Variants in XRN1 observed in about 807,000 individuals in gnomAD.
XRN1 encodes strand-exchange protein 1 homolog.
XRN1 carries 67 observed loss-of-function variants against 222.3 expected under a neutral mutation model. The ratio of observed to expected loss-of-function variants is 0.30; its 90% CI spans 0.25 to 0.37. The LOEUF (loss-of-function observed/expected upper bound fraction) is 0.37. Ranked by LOEUF, XRN1 falls within the 10% of genes least tolerant of loss-of-function variation. The pLI, the probability that XRN1 is intolerant of heterozygous loss-of-function variation, is 1.00. For missense variants in XRN1, 1,707 were observed against 2,000.2 expected (o/e 0.85, Z 2.80); for synonymous variants, 643 against 652.4 (o/e 0.99, Z 0.22).
intron 23 of XRN1, among the ~76,000 whole-genome samples, chr3:142,378,697 T>C (rs1000015755): frequency 2.0e-5 from 3 of 151,482 alleles, no homozygotes; most frequent in African/African-American, 7.3e-5. Flanking sequence ...AGGAAAAAAA[T>C]AGTGAGGAGA....
intron 1 of XRN1, among the ~76,000 whole-genome samples, chr3:142,440,006 G>A (rs1400952547): frequency 1.3e-5 from 2 of 151,954 alleles, no homozygotes; most frequent in Non-Finnish European, 2.9e-5. Flanking sequence ...CTCAGGAGAC[G>A]AAGGTCCTGC....
intron 20 of XRN1, among the ~76,000 whole-genome samples, chr3:142,386,948 G>C (rs192475066): frequency 6.6e-6 from 1 of 152,074 alleles, no homozygotes; most frequent in Non-Finnish European, 1.5e-5. Flanking sequence ...CTGAATGTAG[G>C]CATATGCTAT....
At chr3:142,397,102 A>AT (rs150192903) in intron 20 of XRN1, among the ~76,000 whole-genome samples, 1 of 151,862 alleles carries the variant, frequency 6.6e-6, no homozygotes, top group African/African-American at 2.4e-5. Flanking sequence ...TTAATTTGTC[A>AT]TTTTTTTTCT....
chr3:142,398,371 T>G (rs1355396876), intron 19 of XRN1, among the ~76,000 whole-genome samples: 1 of 151,950 alleles, frequency 6.6e-6, no homozygotes, highest in Non-Finnish European at 1.5e-5. Context: ...TACAAAGTTT[T>G]TTTTTTTTTT....
At chr3:142,330,350 G>T (rs780657655) in intron 36 of XRN1, among the ~76,000 whole-genome samples, 6 of 151,734 alleles carry the variant, frequency 4.0e-5, no homozygotes, top group Admixed American at 1.3e-4. Context: ...AGTTTTTTTT[G>T]AAATTGTCTT....
At chr3:142,371,084 C>T (rs2066976167) in intron 26 of XRN1, among the ~76,000 whole-genome samples, 155 bp downstream of exon 26, 1 of 147,478 alleles carries the variant, frequency 6.8e-6, no homozygotes, top group East Asian at 2.0e-4. Flanking sequence ...TAAAGTGAGC[C>T]ACATTTGAGC....
intron 33 of XRN1, among the ~76,000 whole-genome samples, chr3:142,336,246 G>A (rs1261630461): frequency 6.6e-6 from 1 of 152,098 alleles, no homozygotes; most frequent in Non-Finnish European, 1.5e-5. Context: ...TGAGGGGCAT[G>A]AGGTAGATAT....
Position 142,332,948 on chromosome 3 carries a change from G to C in XRN1, c.4062+19C>G, listed in dbSNP as rs1444744406. 6 of 1,611,456 alleles carry C rather than the reference G, an allele frequency of 3.7e-6. No individual in the cohort carries two copies. Among genetic ancestry groups the C allele is most frequent in the Middle Eastern group, 1.7e-4 (1 of 6,058 alleles). On this transcript the variant is annotated intron_variant, in intron 35 of 40. Transcript: ENST00000392981. ...GTCGAGAAATTACCACAGTAAGAAA[G>C]TTCCTACAAAATACGAACCATGGCA... is the stretch of plus-strand genomic sequence containing the variant.
chr3:142,359,279 T>C (rs535423578), intron 30 of XRN1, among the ~76,000 whole-genome samples: 3 of 152,140 alleles, frequency 2.0e-5, no homozygotes, highest in Non-Finnish European at 4.4e-5. Flanking sequence ...ACTTCCCAAG[T>C]GTTGCCTCAA....
Position 142,447,995 on chromosome 3 carries a change from C to T in XRN1, c.-51G>A, listed in dbSNP as rs1361733252. Reference sequence around the variant, plus strand: ...CAGGGCCAAACCGAAACCAAACGCCCCGCCGGGGCTCCGCCGCAGCCTCCG... The same window carrying T: ...CAGGGCCAAACCGAAACCAAACGCCTCGCCGGGGCTCCGCCGCAGCCTCCG... On this transcript the variant is annotated 5_prime_UTR_variant, in exon 1 of 41. Coordinates refer to ENST00000392981, the MANE Select transcript of XRN1 (RefSeq NM_001282857.2). This position sits in a 1 kb window ranked among gnomAD's most constrained non-coding sequence, Gnocchi z 4.2. The T allele has an allele frequency of 8.2e-6, 13 of 1,590,776 alleles. No individual in the cohort carries two copies. Among genetic ancestry groups the T allele is most frequent in the Non-Finnish European group, 1.0e-5 (12 of 1,162,708 alleles).
At chr3:142,426,999 T>C (rs2069283887) in intron 2 of XRN1, among the ~76,000 whole-genome samples, 158 bp from the exon 3 acceptor site, 1 of 152,182 alleles carries the variant, frequency 6.6e-6, no homozygotes, top group African/African-American at 2.4e-5. Context: ...TTGATAAAAA[T>C]GAGCCCCAGA....
chr3:142,324,010 T>C (rs1488147558), intron 37 of XRN1, among the ~76,000 whole-genome samples: 1 of 152,018 alleles, frequency 6.6e-6, no homozygotes, highest in Non-Finnish European at 1.5e-5. Flanking sequence ...GTATTTATCA[T>C]TTTTGCTGTG....
In XRN1 at chr3:142,326,318, A is replaced by G. The variant is rs577331222; in HGVS notation, c.4404+3116T>C. Among the ~76,000 whole-genome samples the G allele has an allele frequency of 7.2e-5, 11 of 152,128 alleles. 1 individual carries two copies. The South Asian group carries it at 2.3e-3, about 31-fold the overall frequency. On this transcript the variant is annotated intron_variant, in intron 37 of 40. Transcript: ENST00000392981. ...TTTCCATTTCTTTGTGTCTTCTTCA[A>G]TTTCTTGCATCATTGTTTTATAATA...
chr3:142,332,242 A>G (rs2065719370), intron 36 of XRN1, 133 bp downstream of exon 36: 2 of 776,584 alleles, frequency 2.6e-6, no homozygotes, highest in Non-Finnish European at 3.9e-6. Flanking sequence ...CAACACAGCA[A>G]GACACCATCT....
chr3:142,428,601 G>A (rs1446108574), intron 2 of XRN1, among the ~76,000 whole-genome samples: 1 of 152,126 alleles, frequency 6.6e-6, no homozygotes, highest in African/African-American at 2.4e-5. Context: ...GTAGACAGAT[G>A]TGACAAATTT....
chr3:142,383,517 T>C (rs953258945), intron 21 of XRN1, 104 bp from the exon 22 acceptor site: 4 of 973,828 alleles, frequency 4.1e-6, no homozygotes, highest in Non-Finnish European at 6.1e-6. Flanking sequence ...AATGTCAATG[T>C]GAAGATTTTT....
intron 33 of XRN1, among the ~76,000 whole-genome samples, chr3:142,340,053 T>C (rs1031915535): frequency 6.6e-6 from 1 of 151,734 alleles, no homozygotes; most frequent in Non-Finnish European, 1.5e-5. Context: ...TGAGCTTGAA[T>C]GGGCCATTTG....
intron 10 of XRN1, among the ~76,000 whole-genome samples, chr3:142,419,611 C>A (rs1011311475): frequency 2.6e-5 from 4 of 152,064 alleles, no homozygotes; most frequent in Admixed American, 2.6e-4. Context: ...GAGTTCGAGA[C>A]CAGCATTACC....
chr3:142,356,902 A>G lies in XRN1; in HGVS notation c.3672+10T>C. 6.2e-7 allele frequency: 1 copy of G among 1,610,620 alleles called. No individual in the cohort carries two copies. The highest frequency in any genetic ancestry group is 1.1e-5 in the South Asian group (1 of 90,912). Reference sequence around the variant, plus strand: ...GGGGTAGAGGAGAAGTTAAAGACTGAGAGTCTTACTTGAGTAGGAACAAAA... The same window carrying G: ...GGGGTAGAGGAGAAGTTAAAGACTGGGAGTCTTACTTGAGTAGGAACAAAA... On this transcript the variant is annotated intron_variant, in intron 31 of 40. Coordinates refer to ENST00000392981, the MANE Select transcript of XRN1 (RefSeq NM_001282857.2).
Sources: gnomAD v4.1 joint callset for allele counts (sites outside exome capture counted in the v4.1 genomes callset) on GRCh38, gnomAD v4.1.1 for gene constraint, Gnocchi (gnomAD v3.1) non-coding constraint, MANE v1.5 for transcripts, NCBI Gene and HGNC (gene_info 2026-07-23, HGNC 2026-07-21) for gene names.